Variants in ADGRE3 observed in about 807,000 individuals in gnomAD.
ADGRE3 encodes adhesion G protein-coupled receptor E3, also known as EGF-like module receptor 3.
Under a neutral mutation model 80.1 loss-of-function variants are expected in ADGRE3, and 88 were observed. That is an observed-to-expected ratio of 1.10 (90% confidence interval 0.93 to 1.31). The LOEUF (loss-of-function observed/expected upper bound fraction) is 1.31. ADGRE3 is among the 40% of genes most tolerant of loss of function. The probability of loss-of-function intolerance (pLI) is 0.00; values close to 1 mark genes in which losing one functional copy is unlikely to be tolerated. For synonymous variants in ADGRE3, 281 were observed against 294.8 expected, an observed-to-expected ratio of 0.95 and a Z score of 0.48; for missense variants, 715 against 776.5, an observed-to-expected ratio of 0.92 and a Z score of 0.94.
At chr19:14,614,164 G>A (rs1305497962), downstream of ADGRE3, among the ~76,000 whole-genome samples, 3 of 152,176 alleles carry the variant, frequency 2.0e-5, no homozygotes, top group Non-Finnish European at 4.4e-5. Flanking sequence ...TGTACTGTCC[G>A]CAGCCTGCTG....
intron 2 of ADGRE3, among the ~76,000 whole-genome samples, chr19:14,664,171 C>T (rs1972029892): frequency 6.6e-6 from 1 of 152,142 alleles, no homozygotes; most frequent in East Asian, 1.9e-4. Context: ...GGTGTGGTGG[C>T]AGGTGCCTGT....
downstream of ADGRE3, among the ~76,000 whole-genome samples, chr19:14,618,687 T>A (rs781460942): frequency 1.3e-5 from 2 of 150,404 alleles, no homozygotes; most frequent in Non-Finnish European, 3.0e-5. Context: ...AGAAACCCTG[T>A]CTCTACTAAA....
At chr19:14,662,805 G>C (rs1264089914) in intron 3 of ADGRE3, among the ~76,000 whole-genome samples, 1 of 149,020 alleles carries the variant, frequency 6.7e-6, no homozygotes, top group Non-Finnish European at 1.5e-5. Context: ...CAGGGTTCAC[G>C]CCTGTAATCC....
chr19:14,674,705 G>T (rs763598266), intron 1 of ADGRE3, 41 bp downstream of exon 1: 3 of 1,604,312 alleles, frequency 1.9e-6, no homozygotes, highest in Non-Finnish European at 2.6e-6. Context: ...CCCTGACTGG[G>T]GGATAGGTTA....
At position 14,645,590 on chromosome 19, in the gene ADGRE3, C is replaced by T. The variant is rs1326553272; in HGVS notation, c.883-1315G>A. On this transcript the variant is annotated intron_variant, in intron 8 of 15. Coordinates refer to ENST00000253673, the MANE Select transcript of ADGRE3 (RefSeq NM_032571.5). ...AGGAGAATCGCTTGGGCCTGGGAGG[C>T]GGAGGTTGCAGTGAGCTGAGATCGC... Among the ~76,000 whole-genome samples, 9 of 150,834 alleles carry T rather than the reference C, an allele frequency of 6.0e-5. No homozygotes were observed. The South Asian group carries it at 6.3e-4, about 10-fold the overall frequency.
At chr19:14,664,408 A>G (rs1972036229) in intron 2 of ADGRE3, among the ~76,000 whole-genome samples, 1 of 152,072 alleles carries the variant, frequency 6.6e-6, no homozygotes, top group South Asian at 2.1e-4. Flanking sequence ...TTGTGATCGC[A>G]CCACGGTGAG....
chr19:14,644,277 T>C lies in ADGRE3; in HGVS notation c.883-2A>G. 6.7e-7 allele frequency: 1 copy of C among 1,500,176 alleles called. No homozygotes were observed. The highest frequency in any genetic ancestry group is 1.4e-5 in the African/African-American group (1 of 69,442). The allele number at this position is 1,500,176 out of a possible 1,614,324, so 92.9% of individuals were successfully genotyped here. On this transcript the variant is annotated splice_acceptor_variant, in intron 8 of 15. Coordinates refer to ENST00000253673, the MANE Select transcript of ADGRE3 (RefSeq NM_032571.5). LOFTEE classifies it high-confidence loss of function. ...GACCTTTTTGGTACTGGGGGTCATC[T>C]GAAAATAGAAAATAGAAAGGGCTCA...
At chr19:14,651,456 A>C (rs1198232238) in intron 6 of ADGRE3, among the ~76,000 whole-genome samples, 1 of 152,182 alleles carries the variant, frequency 6.6e-6, no homozygotes, top group African/African-American at 2.4e-5. Flanking sequence ...CTGAGCTAAG[A>C]GTCTTACACA....
chr19:14,620,516 C>CATATTAA (rs1292076479), intron 15 of ADGRE3, among the ~76,000 whole-genome samples: 40 of 31,118 alleles, frequency 1.3e-3, no homozygotes, highest in African/African-American at 4.7e-3. Context: ...TATATTATGA[C>CATATTAA]TATATATGAA....
rs766450220 is a variant in ADGRE3 at position 14,647,243 on chromosome 19, T to C, written c.820A>G (p.Ile274Val). The change falls in exon 8 of 16, where the codon ATT becomes GTT. Residue 274 changes from isoleucine (I) to valine (V), a missense_variant. Coordinates refer to ENST00000253673, the MANE Select transcript of ADGRE3 (RefSeq NM_032571.5). ...AGAGACACGTTCCTTTTGGGTCCAA[T>C]AGCAGCACTCACAACCTGAGAGTTC... Reference protein sequence around the residue: ...YLNSQVVSAAIGPKRNVSLSK... With the variant: ...YLNSQVVSAAVGPKRNVSLSK... The C allele has an allele frequency of 6.2e-6, 10 of 1,613,884 alleles. No individual in the cohort carries two copies. Among genetic ancestry groups the C allele is most frequent in the South Asian group, 5.5e-5 (5 of 91,084 alleles).
At chr19:14,649,574 A>G (rs371409352) in intron 7 of ADGRE3, among the ~76,000 whole-genome samples, 3 of 99,240 alleles carry the variant, frequency 3.0e-5, no homozygotes, top group South Asian at 6.3e-4. Context: ...ATCTCTCTCC[A>G]TCTCTTTCTC....
intron 10 of ADGRE3, among the ~76,000 whole-genome samples, chr19:14,639,281 A>G (rs1971183112): frequency 6.6e-6 from 1 of 152,230 alleles, no homozygotes; most frequent in Non-Finnish European, 1.5e-5. Flanking sequence ...TGGTCATTTC[A>G]TAATGTGTAT....
At position 14,619,135 on chromosome 19, in the gene ADGRE3, G is replaced by A. The variant is rs1338199757; in HGVS notation, c.*298C>T. 2 of 370,122 alleles carry A rather than the reference G, an allele frequency of 5.4e-6. No homozygotes were observed. The highest frequency in any genetic ancestry group is 9.8e-6 in the Non-Finnish European group (2 of 204,456). 22.9% of individuals were successfully genotyped at this position (370,122 alleles called of 1,614,324 possible). On this transcript the variant is annotated 3_prime_UTR_variant, in exon 16 of 16. Coordinates refer to ENST00000253673, the MANE Select transcript of ADGRE3 (RefSeq NM_032571.5). The stretch of plus-strand genomic sequence containing the variant: ...GCAAGTTTAGGATGAGTGGGACTAA[G>A]AACTTGAGGAAAAGGACCTCTTCAT...
At chr19:14,610,280 C>G in the ADGRE3 span, 9 of 1,513,986 alleles carry the variant, frequency 5.9e-6, no homozygotes, top group East Asian at 2.2e-4. Context: ...GGCCTTGCCT[C>G]TTCGTGAGTG....
intron 1 of ADGRE3, among the ~76,000 whole-genome samples, chr19:14,673,279 G>A (rs544142599): frequency 6.6e-6 from 1 of 152,342 alleles, no homozygotes; most frequent in Non-Finnish European, 1.5e-5. Context: ...TTTCTTATCT[G>A]TAATGTGCAG....
chr19:14,644,729 T>G (rs1197390750), intron 8 of ADGRE3, among the ~76,000 whole-genome samples: 2 of 152,098 alleles, frequency 1.3e-5, no homozygotes, highest in Admixed American at 1.3e-4. Flanking sequence ...ATTTCTGTTT[T>G]GTTTGTTTGT....
At chr19:14,629,294 T>C (rs958687115) in intron 14 of ADGRE3, among the ~76,000 whole-genome samples, 1 of 152,094 alleles carries the variant, frequency 6.6e-6, no homozygotes, top group African/African-American at 2.4e-5. Context: ...AAGGTAGTAA[T>C]GTAAATAAAA....
chr19:14,655,651 A>G (rs1204879864), intron 5 of ADGRE3, among the ~76,000 whole-genome samples: 2 of 151,590 alleles, frequency 1.3e-5, no homozygotes, highest in Non-Finnish European at 2.9e-5. Flanking sequence ...TTGTATAGAC[A>G]GGGTCTTGCT....
chr19:14,638,459 G>A, intron 10 of ADGRE3, 119 bp from the exon 11 acceptor site: 1 of 677,392 alleles, frequency 1.5e-6, no homozygotes, highest in East Asian at 2.7e-5. Flanking sequence ...GGCACTAAAA[G>A]TAAAGGGGAA....
Sources: gnomAD v4.1 joint callset for allele counts (sites outside exome capture counted in the v4.1 genomes callset) on GRCh38, gnomAD v4.1.1 for gene constraint, MANE v1.5 for transcripts, NCBI Gene and HGNC (gene_info 2026-07-23, HGNC 2026-07-21) for gene names.